Variants in STK3 observed in about 807,000 individuals in gnomAD.
The protein encoded by STK3 is serine/threonine-protein kinase 3.
A neutral mutation model predicts 58.0 loss-of-function variants in STK3; 41 were observed. That is an observed-to-expected ratio of 0.71 (90% CI 0.55 to 0.92). The LOEUF (loss-of-function observed/expected upper bound fraction) is 0.92, where lower values mean the gene tolerates loss of function less well. Among genes scored for constraint, STK3 ranks in the 40% least tolerant of loss-of-function variants. The pLI is 0.00. For missense variants in STK3, 479 were observed against 602.7 expected (o/e 0.79, Z 2.15); for synonymous variants, 170 against 191.0 (o/e 0.89, Z 0.91).
intron 1 of STK3, among the ~76,000 whole-genome samples, chr8:98,387,872 C>CTTTTTTTTTTTTT (rs1178928185): frequency 2.8e-5 from 4 of 144,678 alleles, no homozygotes; most frequent in African/African-American, 1.1e-4. Context: ...TGTAAAATGC[C>CTTTTTTTTTTTTT]CTTTTTTTTT....
At chr8:98,415,504 C>T (rs1818104855) in intron 3 of STK3, among the ~76,000 whole-genome samples, 1 of 152,292 alleles carries the variant, frequency 6.6e-6, no homozygotes, top group Admixed American at 6.5e-5. Context: ...CATCTCCTTC[C>T]CAACCACTCC....
chr8:98,495,053 T>C (rs1185369940), intron 10 of STK3, among the ~76,000 whole-genome samples: 1 of 152,204 alleles, frequency 6.6e-6, no homozygotes, highest in Non-Finnish European at 1.5e-5. Flanking sequence ...TTCCAGGCTT[T>C]CCAGAAGAAA....
Position 98,636,505 on chromosome 8 carries a change from T to C in STK3, c.685-40336A>G, listed in dbSNP as rs191307914. Among the ~76,000 whole-genome samples the C allele has an allele frequency of 2.0e-4, 30 of 152,270 alleles. No homozygotes were observed. In the East Asian group the frequency reaches 5.4e-3, roughly 27 times the overall value. Reference sequence around the variant, plus strand: ...ACCCAGTACCTGCTCTCTTGAGACATGGAATCCAGTGGAAAAACCAAACAT... The same window carrying C: ...ACCCAGTACCTGCTCTCTTGAGACACGGAATCCAGTGGAAAAACCAAACAT... On this transcript the variant is annotated intron_variant, in intron 6 of 10. Transcript: ENST00000419617.
At chr8:98,685,196 CAGTA>C (rs1436746223) in intron 6 of STK3, among the ~76,000 whole-genome samples, 3 of 152,144 alleles carry the variant, frequency 2.0e-5, no homozygotes, top group East Asian at 3.8e-4. Context: ...AATTCTTTCT[CAGTA>C]AGTATTACTC....
intron 10 of STK3, among the ~76,000 whole-genome samples, chr8:98,487,780 T>C (rs1012901417): frequency 1.3e-5 from 2 of 152,196 alleles, no homozygotes; most frequent in African/African-American, 4.8e-5. Context: ...CCCACTCTAG[T>C]AGGCACTCAG....
intron 8 of STK3, among the ~76,000 whole-genome samples, chr8:98,549,050 A>T (rs190653373): frequency 6.6e-6 from 1 of 152,274 alleles, no homozygotes; most frequent in East Asian, 1.9e-4. Context: ...GGCTACTGTG[A>T]ATAGTGCTAA....
chr8:98,621,231 C>T lies in STK3; in HGVS notation c.685-25062G>A, dbSNP rs532683939. Reference sequence around the variant, plus strand: ...CTGGGATTACAGGCATGAGCCACCGCGCCCGGCCAACAACTGATTTTTATA... The same window carrying T: ...CTGGGATTACAGGCATGAGCCACCGTGCCCGGCCAACAACTGATTTTTATA... On this transcript the variant is annotated intron_variant, in intron 6 of 10. Transcript: ENST00000419617. Among the ~76,000 whole-genome samples, 41 of 152,324 alleles carry T rather than the reference C, an allele frequency of 2.7e-4. No homozygotes were observed. The East Asian group carries it at 6.0e-3, about 22-fold the overall frequency.
intron 7 of STK3, among the ~76,000 whole-genome samples, chr8:98,590,627 T>C (rs1254055732): frequency 1.3e-5 from 2 of 152,228 alleles, no homozygotes; most frequent in Non-Finnish European, 2.9e-5. Flanking sequence ...CCAAATTTCA[T>C]GCACGTCCGT....
At chr8:98,410,097 A>G (rs540458575) in intron 3 of STK3, among the ~76,000 whole-genome samples, 122 of 152,354 alleles carry the variant, frequency 8.0e-4, no homozygotes, top group African/African-American at 2.9e-3. Context: ...AAGGATCTAG[A>G]GATAATGGAA....
In STK3 at chr8:98,566,659, C is replaced by A. The variant is rs184452358; in HGVS notation, c.948+13005G>T. 5.1e-4 allele frequency among the ~76,000 whole-genome samples: 77 copies of A among 152,138 alleles called. No individual in the cohort carries two copies. The East Asian group carries it at 0.013, about 26-fold the overall frequency. On this transcript the variant is annotated intron_variant, in intron 8 of 10. Transcript: ENST00000419617. ...AACTTGCTCTGTGTCATTATTTGCT[C>A]CACCACTGCTTAAGGACCAATCCAG... is the stretch of plus-strand genomic sequence containing the variant.
intron 10 of STK3, among the ~76,000 whole-genome samples, chr8:98,475,808 G>T (rs1821263043): frequency 6.6e-6 from 1 of 152,128 alleles, no homozygotes; most frequent in Non-Finnish European, 1.5e-5. Context: ...CCATTCTTTT[G>T]CCAGACGCGA....
rs1011923950 is a variant in STK3, at chr8:98,933,793, G to A, written c.-79+8585C>T. ...GATTGGGGAGCTCTAGGCCCTTCCT[G>A]CCACCCTCCTTCCATACCTATGTTA... On this transcript the variant is annotated intron_variant, in intron 1 of 1. Transcript: ENST00000519420. 2.6e-5 allele frequency among the ~76,000 whole-genome samples: 4 copies of A among 152,172 alleles called. No individual in the cohort carries two copies. In the South Asian group the frequency reaches 6.2e-4, roughly 24 times the overall value.
Position 98,800,865 on chromosome 8 carries a change from C to T in STK3, c.26+24650G>A, listed in dbSNP as rs1269980405. Among the ~76,000 whole-genome samples, 4 of 152,310 alleles carry T rather than the reference C, an allele frequency of 2.6e-5. No individual in the cohort carries two copies. In the East Asian group the frequency reaches 7.7e-4, roughly 29 times the overall value. On this transcript the variant is annotated intron_variant, in intron 1 of 10. Transcript: ENST00000419617. This position sits in a 1 kb window ranked among gnomAD's most constrained non-coding sequence, Gnocchi z 4.8. Reference sequence around the variant, plus strand: ...GACCTGCAGCCCCCCATGCCAGAGCCCCCCCCACCAAGGTGGGCTCCCGTG... The same window carrying T: ...GACCTGCAGCCCCCCATGCCAGAGCTCCCCCCACCAAGGTGGGCTCCCGTG...
chr8:98,607,296 T>C (rs959825735), intron 6 of STK3, among the ~76,000 whole-genome samples: 37 of 152,196 alleles, frequency 2.4e-4, no homozygotes, highest in Admixed American at 2.4e-3. Context: ...CCAAGTCAAA[T>C]CTTTTTTTCA....
downstream of STK3, among the ~76,000 whole-genome samples, chr8:98,399,550 G>C (rs1162307112): frequency 2.0e-5 from 3 of 152,238 alleles, no homozygotes; most frequent in Non-Finnish European, 4.4e-5. Flanking sequence ...GCAAAGTCTT[G>C]TTGAGATGCT....
intron 10 of STK3, among the ~76,000 whole-genome samples, chr8:98,498,090 T>G (rs1823281388): frequency 6.6e-6 from 1 of 152,094 alleles, no homozygotes; most frequent in South Asian, 2.1e-4. Flanking sequence ...ACACACCACA[T>G]TTTGTTTATC....
At chr8:98,400,770 CT>C (rs200055444), downstream of STK3, among the ~76,000 whole-genome samples, 21 of 147,988 alleles carry the variant, frequency 1.4e-4, no homozygotes, top group Admixed American at 1.3e-3. Context: ...AATATTTTGT[CT>C]TTTTTAAAAA....
intron 2 of STK3, among the ~76,000 whole-genome samples, chr8:98,376,870 T>C (rs1817681127): frequency 6.6e-6 from 1 of 152,228 alleles, no homozygotes; most frequent in East Asian, 1.9e-4. Flanking sequence ...CATAACACCA[T>C]GTTTTATAAC....
intron 10 of STK3, among the ~76,000 whole-genome samples, chr8:98,460,394 C>T (rs893999051): frequency 1.3e-5 from 2 of 152,134 alleles, no homozygotes; most frequent in Admixed American, 6.5e-5. Context: ...ATTTTATAGG[C>T]TCTTAGGTGG....
Sources: allele counts gnomAD v4.1 joint callset (sites outside exome capture counted in the v4.1 genomes callset), GRCh38; gene constraint gnomAD v4.1.1; non-coding constraint Gnocchi (gnomAD v3.1); transcripts MANE v1.5; gene names NCBI Gene and HGNC (gene_info 2026-07-23, HGNC 2026-07-21).